LHFPL3: variants seen among roughly 807,000 people sequenced by gnomAD.
The protein encoded by LHFPL3 is LHFPL tetraspan subfamily member 3 protein.
A neutral mutation model predicts 19.3 loss-of-function variants in LHFPL3; 5 were observed. That is an observed-to-expected ratio of 0.26 (90% confidence interval 0.14 to 0.54). The LOEUF (loss-of-function observed/expected upper bound fraction) is 0.54. Ranked by LOEUF, LHFPL3 falls within the 20% of genes least tolerant of loss-of-function variation. LHFPL3 has a pLI of 0.94. For synonymous variants in LHFPL3, 133 were observed against 126.2 expected (o/e 1.05, Z -0.36); for missense variants, 249 against 307.4 (o/e 0.81, Z 1.42).
chr7:104,896,708 G>A (rs377287922), intron 2 of LHFPL3, among the ~76,000 whole-genome samples: 1 of 152,192 alleles, frequency 6.6e-6, no homozygotes, highest in Admixed American at 6.5e-5. Context: ...CAGAGGAGGG[G>A]CTGGAGCAGG....
chr7:104,750,827 G>T (rs901954797), intron 2 of LHFPL3, among the ~76,000 whole-genome samples: 2 of 152,022 alleles, frequency 1.3e-5, no homozygotes, highest in African/African-American at 4.8e-5. Context: ...TTTGTTGTGG[G>T]GCCTGAGGCT....
chr7:104,593,936 G>A lies in LHFPL3; in HGVS notation c.446-142739G>A, dbSNP rs150091767. Among the ~76,000 whole-genome samples the A allele has an allele frequency of 2.8e-3, 420 of 152,078 alleles. 3 individuals carry two copies. Among genetic ancestry groups the A allele is most frequent in the African/African-American group, 9.1e-3 (379 of 41,464 alleles). ...ATCCCTTTATTTTGAGCCTATGTGC[G>A]TCTTTGCACGTGAAATGGGTCTCCT... On this transcript the variant is annotated intron_variant, in intron 1 of 2. Transcript: ENST00000424859.
At chr7:104,575,573 A>C (rs1790321337) in intron 1 of LHFPL3, among the ~76,000 whole-genome samples, 1 of 149,686 alleles carries the variant, frequency 6.7e-6, no homozygotes, top group African/African-American at 2.4e-5. Flanking sequence ...AAAAAAAAAA[A>C]AAAAAAAAAA....
At chr7:104,518,546 G>T (rs897782616) in intron 1 of LHFPL3, among the ~76,000 whole-genome samples, 2 of 152,164 alleles carry the variant, frequency 1.3e-5, no homozygotes, top group Non-Finnish European at 2.9e-5. Flanking sequence ...CACTTTGGGA[G>T]GCTGAGGCAG....
chr7:104,341,602 C>T (rs1272652267), intron 1 of LHFPL3, among the ~76,000 whole-genome samples: 1 of 152,180 alleles, frequency 6.6e-6, no homozygotes, highest in Non-Finnish European at 1.5e-5. Context: ...ATCCTGAAGG[C>T]CATGGTGAAT....
At chr7:104,812,482 C>T (rs1004063457) in intron 2 of LHFPL3, among the ~76,000 whole-genome samples, 7 of 152,000 alleles carry the variant, frequency 4.6e-5, no homozygotes, top group Non-Finnish European at 1.0e-4. Flanking sequence ...ATAATGAGAC[C>T]CCCATGTCTA....
chr7:104,514,829 A>G (rs1253137437), intron 1 of LHFPL3, among the ~76,000 whole-genome samples: 1 of 152,164 alleles, frequency 6.6e-6, no homozygotes, highest in African/African-American at 2.4e-5. Flanking sequence ...AAAGTTAAGA[A>G]CCAGGAGACT....
rs71155514 is a variant in LHFPL3, at chr7:104,666,512, C to CTTTTTTTTTTTTTTTTTTTTTTTT, written c.446-70159_446-70136dup. Among the ~76,000 whole-genome samples the CTTTTTTTTTTTTTTTTTTTTTTTT allele has an allele frequency of 8.8e-4, 37 of 42,234 alleles. 16 individuals are homozygous for CTTTTTTTTTTTTTTTTTTTTTTTT. The highest frequency in any genetic ancestry group is 1.1e-3 in the Non-Finnish European group (25 of 22,202). The allele number at this position is 42,234 out of a possible 152,430, so 27.7% of individuals were successfully genotyped here. A position where few individuals can be genotyped will look rare whatever the true frequency, so the allele number is the denominator to read the frequency against. Reference sequence around the variant, plus strand: ...TTGCTGAAAATGACAGGATTTCATTCTTTTTTTTTTTTTTTTTTTTTTTTT... The same window carrying CTTTTTTTTTTTTTTTTTTTTTTTT: ...TTGCTGAAAATGACAGGATTTCATTCTTTTTTTTTTTTTTTTTTTTTTTTTTTTTTTTTTTTTTTTTTTTTTTTT... On this transcript the variant is annotated intron_variant, in intron 1 of 2. Transcript: ENST00000424859.
chr7:104,480,378 A>G (rs1317470833), intron 1 of LHFPL3, among the ~76,000 whole-genome samples: 19 of 152,194 alleles, frequency 1.2e-4, no homozygotes, highest in Admixed American at 1.1e-3. Context: ...GTGGAACTCA[A>G]GTGAATGCAA....
chr7:104,763,192 G>A lies in LHFPL3; in HGVS notation c.682+26281G>A, dbSNP rs551271641. Among the ~76,000 whole-genome samples, 12 of 152,270 alleles carry A rather than the reference G, an allele frequency of 7.9e-5. No homozygotes were observed. The South Asian group carries it at 1.5e-3, about 18-fold the overall frequency. On this transcript the variant is annotated intron_variant, in intron 2 of 2. Coordinates refer to ENST00000424859, the MANE Select transcript of LHFPL3 (RefSeq NM_199000.3). ...TCAACAAGTAATTGGCACAAAAATC[G>A]TGGAAAGAGGGCAGGAGAGACACTG...
intron 1 of LHFPL3, among the ~76,000 whole-genome samples, chr7:104,393,277 C>G (rs955549907): frequency 4.6e-5 from 7 of 151,982 alleles, no homozygotes; most frequent in African/African-American, 1.5e-4. Flanking sequence ...AACAATGAAA[C>G]ATAAAGTTAC....
intron 2 of LHFPL3, among the ~76,000 whole-genome samples, chr7:104,868,763 G>C (rs577257074): frequency 6.6e-6 from 1 of 152,258 alleles, no homozygotes; most frequent in African/African-American, 2.4e-5. Flanking sequence ...AGCCCGCATT[G>C]CCAAGTCAAT....
chr7:104,388,166 T>A (rs536845320), intron 1 of LHFPL3, among the ~76,000 whole-genome samples: 82 of 152,316 alleles, frequency 5.4e-4, no homozygotes, highest in African/African-American at 1.9e-3. Context: ...ATGTACCACA[T>A]TTTCTTTATC....
At chr7:104,404,129 C>T (rs1438038493) in intron 1 of LHFPL3, among the ~76,000 whole-genome samples, 1 of 152,146 alleles carries the variant, frequency 6.6e-6, no homozygotes, top group Admixed American at 6.6e-5. Flanking sequence ...ACTTGCTAAC[C>T]CCTGCTCTAG....
At chr7:104,543,142 G>A (rs1794519772) in intron 1 of LHFPL3, among the ~76,000 whole-genome samples, 1 of 152,104 alleles carries the variant, frequency 6.6e-6, no homozygotes, top group Admixed American at 6.5e-5. Context: ...ATCACACACT[G>A]GGGCCTGACA....
intron 2 of LHFPL3, among the ~76,000 whole-genome samples, chr7:104,795,071 A>T (rs1189299888): frequency 6.6e-6 from 1 of 152,212 alleles, no homozygotes; most frequent in Non-Finnish European, 1.5e-5. Flanking sequence ...TCCCCTAGAA[A>T]CAAGTCACCT....
intron 1 of LHFPL3, among the ~76,000 whole-genome samples, chr7:104,430,437 T>TACATGTATATATATATATATATACAC (rs1562895314): frequency 5.9e-5 from 1 of 16,876 alleles, no homozygotes; most frequent in African/African-American, 3.1e-4. Flanking sequence ...TATATATATA[T>TACATGTATATATATATATATATACAC]ATATATATAT....
chr7:104,884,664 G>A (rs996855393), intron 2 of LHFPL3, among the ~76,000 whole-genome samples: 1 of 152,154 alleles, frequency 6.6e-6, no homozygotes, highest in Non-Finnish European at 1.5e-5. Context: ...GAATTGTGAA[G>A]AACAAATAAA....
intron 1 of LHFPL3, among the ~76,000 whole-genome samples, chr7:104,699,651 C>T (rs919448137): frequency 1.3e-5 from 2 of 152,164 alleles, no homozygotes; most frequent in African/African-American, 4.8e-5. Flanking sequence ...TGTGAATGTA[C>T]TTAATGCCAC....
Sources: gnomAD v4.1 joint callset for allele counts (sites outside exome capture counted in the v4.1 genomes callset) on GRCh38, gnomAD v4.1.1 for gene constraint, MANE v1.5 for transcripts, NCBI Gene and HGNC (gene_info 2026-07-23, HGNC 2026-07-21) for gene names.